The following MAGI2 variants were observed in gnomAD, a reference collection of about 807,000 sequenced individuals.
MAGI2 encodes the protein membrane associated guanylate kinase, WW and PDZ domain containing 2, also known as membrane-associated guanylate kinase, WW and PDZ domain-containing protein 2.
MAGI2 carries 35 observed loss-of-function variants against 133.3 expected under a neutral mutation model. The ratio of observed to expected loss-of-function variants is 0.26; its 90% CI spans 0.20 to 0.35. The LOEUF is 0.35. Among genes scored for constraint, MAGI2 ranks in the 10% least tolerant of loss-of-function variants. The pLI, the probability that MAGI2 is intolerant of heterozygous loss-of-function variation, is 1.00. For synonymous variants in MAGI2, 729 were observed against 710.6 expected (o/e 1.03, Z -0.41); for missense variants, 1,636 against 1,863.4 (o/e 0.88, Z 2.25).
At chr7:78,588,091 C>T (rs1803608441) in intron 3 of MAGI2, among the ~76,000 whole-genome samples, 1 of 152,150 alleles carries the variant, frequency 6.6e-6, no homozygotes, top group Admixed American at 6.5e-5. Context: ...AATGCATATC[C>T]TCTAATGATG....
At chr7:78,911,351 GGT>G (rs1485175298) in intron 2 of MAGI2, among the ~76,000 whole-genome samples, 1 of 152,118 alleles carries the variant, frequency 6.6e-6, no homozygotes, top group Non-Finnish European at 1.5e-5. Context: ...CTAACCCCAA[GGT>G]GGAGGTATTA....
intron 2 of MAGI2, among the ~76,000 whole-genome samples, chr7:78,785,942 TGAGACAGAGG>T (rs1404605366): frequency 1.3e-5 from 2 of 152,044 alleles, no homozygotes; most frequent in Non-Finnish European, 2.9e-5. Flanking sequence ...ACTATGAATG[TGAGACAGAGG>T]GAGACAGAGG....
chr7:79,125,828 A>G, intron 1 of MAGI2: 1 of 495,348 alleles, frequency 2.0e-6, no homozygotes, highest in Admixed American at 2.1e-5. Context: ...AATTCCTGCC[A>G]GGAAACAAAG....
chr7:78,213,011 AAGG>A (rs1787921519), intron 10 of MAGI2, among the ~76,000 whole-genome samples: 1 of 152,194 alleles, frequency 6.6e-6, no homozygotes, highest in Admixed American at 6.5e-5. Flanking sequence ...TTAGTGATGG[AAGG>A]AGAAGCCTGG....
chr7:78,103,446 A>T (rs1324857242), intron 20 of MAGI2, among the ~76,000 whole-genome samples: 1 of 152,198 alleles, frequency 6.6e-6, no homozygotes, highest in Non-Finnish European at 1.5e-5. Flanking sequence ...CTTTTTCATC[A>T]TCATCATACT....
intron 6 of MAGI2, among the ~76,000 whole-genome samples, chr7:78,452,854 A>T (rs144108487): frequency 6.6e-6 from 1 of 152,104 alleles, no homozygotes; most frequent in African/African-American, 2.4e-5. Flanking sequence ...TAAAAAAGTT[A>T]TGTTAGTATT....
intron 1 of MAGI2, among the ~76,000 whole-genome samples, chr7:79,240,570 A>T (rs1426090077): frequency 6.6e-6 from 1 of 152,074 alleles, no homozygotes; most frequent in Non-Finnish European, 1.5e-5. Context: ...GTGATCTAGA[A>T]ATCTAATTTG....
At chr7:79,439,397 A>G (rs1477224461) in intron 1 of MAGI2, among the ~76,000 whole-genome samples, 1 of 152,114 alleles carries the variant, frequency 6.6e-6, no homozygotes, top group African/African-American at 2.4e-5. Flanking sequence ...TAAGGAAGCG[A>G]TAGCCATAGA....
chr7:79,047,923 A>G (rs576284649), intron 1 of MAGI2, among the ~76,000 whole-genome samples: 1 of 152,308 alleles, frequency 6.6e-6, no homozygotes, highest in Admixed American at 6.5e-5. Flanking sequence ...GATTTTTAGA[A>G]GTCAATAAAT....
chr7:79,402,766 G>A (rs970108445), intron 1 of MAGI2, among the ~76,000 whole-genome samples: 5 of 152,092 alleles, frequency 3.3e-5, no homozygotes, highest in African/African-American at 4.8e-5. Context: ...GTTCAAGACC[G>A]GCCTGGGCAA....
At chr7:79,340,900 G>C (rs1674675830) in intron 1 of MAGI2, among the ~76,000 whole-genome samples, 1 of 152,104 alleles carries the variant, frequency 6.6e-6, no homozygotes, top group Non-Finnish European at 1.5e-5. Context: ...ACGAGTCCTG[G>C]ATCCTGGAGA....
rs928397591 is a variant in MAGI2 at position 79,183,294 on chromosome 7, C to T, written c.302-176088G>A. On this transcript the variant is annotated intron_variant, in intron 1 of 21. Coordinates refer to ENST00000354212, the MANE Select transcript of MAGI2 (RefSeq NM_012301.4). ...ATAATTATATATATTATGTATGCAA[C>T]GAAATTTCTCATGGACCCCATAAAC... is the stretch of plus-strand genomic sequence containing the variant. 4.6e-5 allele frequency among the ~76,000 whole-genome samples: 7 copies of T among 151,282 alleles called. No homozygotes were observed. In the East Asian group the frequency reaches 7.8e-4, roughly 17 times the overall value.
chr7:78,466,649 T>C (rs1353208942), intron 6 of MAGI2, among the ~76,000 whole-genome samples: 2 of 152,134 alleles, frequency 1.3e-5, no homozygotes, highest in Non-Finnish European at 2.9e-5. Context: ...GGCTGGAAAG[T>C]AAACTGTGAA....
At chr7:79,039,420 CT>C (rs897160875) in intron 1 of MAGI2, among the ~76,000 whole-genome samples, 5 of 151,692 alleles carry the variant, frequency 3.3e-5, no homozygotes, top group African/African-American at 9.7e-5. Context: ...TAATTCTTTT[CT>C]TTTTTTTAAT....
intron 3 of MAGI2, among the ~76,000 whole-genome samples, chr7:78,606,046 A>C (rs1208187607): frequency 6.6e-6 from 1 of 152,162 alleles, no homozygotes; most frequent in African/African-American, 2.4e-5. Context: ...CAGAAAGTAG[A>C]CTTGAAAGGA....
At chr7:78,609,703 G>A (rs1160781429) in intron 3 of MAGI2, among the ~76,000 whole-genome samples, 1 of 152,134 alleles carries the variant, frequency 6.6e-6, no homozygotes, top group African/African-American at 2.4e-5. Context: ...CCTGGATTGG[G>A]CTGATGTAGT....
At chr7:78,948,686 T>C (rs1396037839) in intron 2 of MAGI2, among the ~76,000 whole-genome samples, 1 of 152,182 alleles carries the variant, frequency 6.6e-6, no homozygotes, top group African/African-American at 2.4e-5. Context: ...GAAAACTTGT[T>C]AAACATTCTA....
chr7:78,321,424 A>G (rs549635263), intron 9 of MAGI2, among the ~76,000 whole-genome samples: 43 of 152,180 alleles, frequency 2.8e-4, no homozygotes, highest in Non-Finnish European at 2.4e-4. Context: ...AAACAGAGAT[A>G]TAGACCAGTG....
At chr7:78,317,950 A>G (rs798294) in intron 9 of MAGI2, among the ~76,000 whole-genome samples, 41,944 of 152,108 alleles carry the variant, frequency 0.28, 6,062 homozygotes, top group African/African-American at 0.34. Context: ...GTCCAGACAC[A>G]GAAACCCCGT....
Sources: gnomAD v4.1 joint callset for allele counts (sites outside exome capture counted in the v4.1 genomes callset) on GRCh38, gnomAD v4.1.1 for gene constraint, MANE v1.5 for transcripts, NCBI Gene and HGNC (gene_info 2026-07-23, HGNC 2026-07-21) for gene names.